Variants in SURF4 observed in about 807,000 individuals in gnomAD.
SURF4 encodes the protein surfeit locus protein 4.
Under a neutral mutation model 30.0 loss-of-function variants are expected in SURF4, and 3 were observed. The ratio of observed to expected loss-of-function variants is 0.10; its 90% CI spans 0.05 to 0.26. SURF4 has a LOEUF of 0.26. Ranked by LOEUF, SURF4 falls within the 10% of genes least tolerant of loss-of-function variation. The pLI, the probability that SURF4 is intolerant of heterozygous loss-of-function variation, is 1.00. For missense variants in SURF4, 217 were observed against 350.8 expected (o/e 0.62, Z 3.05); for synonymous variants, 143 against 139.9 (o/e 1.02, Z -0.16).
chr9:133,375,266 G>A lies in SURF4; in HGVS notation c.48+656C>T, dbSNP rs113396847. 5.9e-5 allele frequency: 58 copies of A among 985,494 alleles called. 1 individual carries two copies. In the African/African-American group the frequency reaches 8.7e-4, roughly 15 times the overall value. 61.0% of individuals were successfully genotyped at this position (985,494 alleles called of 1,614,324 possible). A position where few individuals can be genotyped will look rare whatever the true frequency, so the allele number is the denominator to read the frequency against. On this transcript the variant is annotated intron_variant, in intron 1 of 5. Transcript: ENST00000371989. ...GGACACTTCTGGAAGGAGACTATCAGGGAGATAGGCTTCCCCTCCTCCCAG... is the reference window on the plus strand; with the variant it reads ...GGACACTTCTGGAAGGAGACTATCAAGGAGATAGGCTTCCCCTCCTCCCAG...
rs2130129554 is a variant in SURF4, at chr9:133,366,632, G to C, written c.279C>G (p.Ala93=). ...LVLSRNFVQY[A]CFGLFGIIAL... The stretch of plus-strand genomic sequence containing the variant: ...CTATGATTCCAAAGAGCCCGAAGCA[G>C]GCGTACTGCACGAAGTTCCTGCTCA... Residue 93 remains alanine, a synonymous_variant, in exon 3 of 6, where the codon GCC becomes GCG. Coordinates refer to ENST00000371989, the MANE Select transcript of SURF4 (RefSeq NM_033161.4). The C allele has an allele frequency of 6.2e-7, 1 of 1,613,924 alleles. No individual in the cohort carries two copies. The highest frequency in any genetic ancestry group is 1.7e-5 in the Admixed American group (1 of 60,008).
At chr9:133,376,156 C>G, upstream of SURF4, 1 of 1,211,892 alleles carries the variant, frequency 8.3e-7, no homozygotes, top group East Asian at 3.4e-5. Flanking sequence ...GGGCCCGCCC[C>G]GGTGCGTCTT....
rs1836869967 is a variant in SURF4 at position 133,362,436 on chromosome 9, A to C, written c.*1057T>G. The C allele has an allele frequency of 6.5e-6, 1 of 152,678 alleles. No homozygotes were observed. The highest frequency in any genetic ancestry group is 2.4e-5 in the African/African-American group (1 of 41,460). 9.5% of individuals were successfully genotyped at this position (152,678 alleles called of 1,614,324 possible). ...GCTGCATTCGGCATAGCAAACGGAC[A>C]ATCTGAGTGAGCGACAGCCTCAGGA... On this transcript the variant is annotated 3_prime_UTR_variant, in exon 6 of 6. Coordinates refer to ENST00000371989, the MANE Select transcript of SURF4 (RefSeq NM_033161.4).
intron 4 of SURF4, among the ~76,000 whole-genome samples, 156 bp from the exon 5 acceptor site, chr9:133,365,182 C>T (rs2130114604): frequency 6.6e-5 from 10 of 152,090 alleles, no homozygotes; most frequent in Non-Finnish European, 1.0e-4. Flanking sequence ...GGCAGGCATG[C>T]GCACAGGACC....
intron 1 of SURF4, among the ~76,000 whole-genome samples, chr9:133,375,570 C>G (rs1163422186): frequency 6.6e-6 from 1 of 152,210 alleles, no homozygotes; most frequent in African/African-American, 2.4e-5. Flanking sequence ...AACGCCGAGG[C>G]GCTCCCCGCG....
upstream of SURF4, among the ~76,000 whole-genome samples, chr9:133,377,316 G>A (rs2130253421): frequency 9.9e-5 from 15 of 152,198 alleles, no homozygotes; most frequent in South Asian, 3.1e-3. Flanking sequence ...TTAATTTGCT[G>A]CCTAAGCTTG....
chr9:133,370,260 G>A (rs1417409110), intron 1 of SURF4, among the ~76,000 whole-genome samples: 1 of 152,206 alleles, frequency 6.6e-6, no homozygotes, highest in East Asian at 1.9e-4. Flanking sequence ...GAGAAGGTGG[G>A]ACAGGCAATT....
chr9:133,364,423 G>T (rs2130102385), intron 5 of SURF4, among the ~76,000 whole-genome samples: 2 of 152,272 alleles, frequency 1.3e-5, no homozygotes, highest in South Asian at 4.1e-4. Context: ...GAGCACGGTG[G>T]CTCACGCCTG....
Position 133,363,113 on chromosome 9 carries a change from T to A in SURF4, c.*380A>T. 1 of 422,254 alleles carries A rather than the reference T, an allele frequency of 2.4e-6. No individual in the cohort carries two copies. The highest frequency in any genetic ancestry group is 4.3e-6 in the Non-Finnish European group (1 of 232,988). 26.2% of individuals were successfully genotyped at this position (422,254 alleles called of 1,614,324 possible). On this transcript the variant is annotated 3_prime_UTR_variant, in exon 6 of 6. Transcript: ENST00000371989. This position sits in a 1 kb window ranked among gnomAD's most constrained non-coding sequence, Gnocchi z 4.3. ...GTAAACTTACAAATAAGAGGGAGAC[T>A]GCTTTGAATGATAATACCAATGCGT...
chr9:133,370,617 G>C (rs1304629237), intron 1 of SURF4, among the ~76,000 whole-genome samples: 1 of 152,160 alleles, frequency 6.6e-6, no homozygotes, highest in Non-Finnish European at 1.5e-5. Flanking sequence ...ACACGTCCCA[G>C]AGCCAGTGTC....
At chr9:133,376,474 A>G (rs1413767919), upstream of SURF4, 8 of 1,586,226 alleles carry the variant, frequency 5.0e-6, no homozygotes, top group Non-Finnish European at 6.8e-6. Flanking sequence ...GCTACTGATC[A>G]TGCTTGGGCC....
chr9:133,375,381 C>T (rs1038066112), intron 1 of SURF4: 1 of 985,588 alleles, frequency 1.0e-6, no homozygotes, highest in African/African-American at 1.7e-5. Context: ...CCCAAGAGTC[C>T]AGCACATCTG....
Position 133,362,226 on chromosome 9 carries a change from G to A in SURF4, c.*1267C>T, listed in dbSNP as rs1210043947. The A allele has an allele frequency of 6.6e-6, 1 of 152,330 alleles. No individual in the cohort carries two copies. Among genetic ancestry groups the A allele is most frequent in the African/African-American group, 2.4e-5 (1 of 41,442 alleles). 9.4% of individuals were successfully genotyped at this position (152,330 alleles called of 1,614,324 possible). ...GGCTGAGCCAGCCTGTCCCCAGATA[G>A]GTCTAGGGGCCAGAGAGGTGTTCGA... is the stretch of plus-strand genomic sequence containing the variant. On this transcript the variant is annotated 3_prime_UTR_variant, in exon 6 of 6. Coordinates refer to ENST00000371989, the MANE Select transcript of SURF4 (RefSeq NM_033161.4).
Position 133,366,104 on chromosome 9 carries a change from G to A in SURF4, c.313-76C>T, listed in dbSNP as rs1020282748. 36 of 1,431,824 alleles carry A rather than the reference G, an allele frequency of 2.5e-5. No individual in the cohort carries two copies. In the African/African-American group the frequency reaches 3.5e-4, roughly 14 times the overall value. 88.7% of individuals were successfully genotyped at this position (1,431,824 alleles called of 1,614,324 possible). A position where few individuals can be genotyped will look rare whatever the true frequency, so the allele number is the denominator to read the frequency against. On this transcript the variant is annotated intron_variant, in intron 3 of 5. Transcript: ENST00000371989. ...TTTCCACAGACTTCATAATACATTA[G>A]GCCGTCTCTCCAATGTCAGCTGGAG...
intron 4 of SURF4, 115 bp downstream of exon 4, chr9:133,365,870 T>A (rs2130120729): frequency 0.069 from 73,480 of 1,066,888 alleles, 3,001 homozygotes; most frequent in Non-Finnish European, 0.085. Context: ...GCACTTCCTT[T>A]GAGCGTCATG....
At chr9:133,365,229 G>T (rs1487834316) in intron 4 of SURF4, among the ~76,000 whole-genome samples, 1 of 152,170 alleles carries the variant, frequency 6.6e-6, no homozygotes, top group Non-Finnish European at 1.5e-5. Context: ...ACCTTACATA[G>T]CTCAGGAGAC....
At chr9:133,375,867 G>T in intron 1 of SURF4, 55 bp downstream of exon 1, 5 of 1,214,154 alleles carry the variant, frequency 4.1e-6, no homozygotes, top group Admixed American at 4.3e-5. Flanking sequence ...ACTCCGGAGC[G>T]GCCCGGGCGG....
intron 1 of SURF4, among the ~76,000 whole-genome samples, chr9:133,372,250 CAA>C (rs1299374400): frequency 6.6e-6 from 1 of 152,232 alleles, no homozygotes; most frequent in Non-Finnish European, 1.5e-5. Context: ...GGCAGAGAGA[CAA>C]GAGATGCAAC....
At chr9:133,364,353 C>G (rs2130101237) in intron 5 of SURF4, among the ~76,000 whole-genome samples, 1 of 152,352 alleles carries the variant, frequency 6.6e-6, no homozygotes, top group East Asian at 1.9e-4. Context: ...GAAGGCTTGA[C>G]ACACAAGAGA....
Sources: allele counts gnomAD v4.1 joint callset (sites outside exome capture counted in the v4.1 genomes callset), GRCh38; gene constraint gnomAD v4.1.1; non-coding constraint Gnocchi (gnomAD v3.1); transcripts MANE v1.5; gene names NCBI Gene and HGNC (gene_info 2026-07-23, HGNC 2026-07-21).